KLF12: variants seen among roughly 807,000 people sequenced by gnomAD.
KLF12 encodes the protein Krueppel-like factor 12.
A neutral mutation model predicts 37.8 loss-of-function variants in KLF12; 9 were observed. The observed-to-expected ratio is 0.24, with a 90% CI of 0.14 to 0.42. KLF12 has a LOEUF of 0.42. Ranked by LOEUF, KLF12 falls within the 10% of genes least tolerant of loss-of-function variation. The probability of loss-of-function intolerance (pLI) is 1.00; values close to 1 mark genes in which losing one functional copy is unlikely to be tolerated. For missense variants in KLF12, 411 were observed against 516.0 expected (o/e 0.80, Z 1.97); for synonymous variants, 208 against 202.1 (o/e 1.03, Z -0.25).
chr13:74,266,414 A>G, the KLF12 span, among the ~76,000 whole-genome samples: 1 of 152,194 alleles, frequency 6.6e-6, no homozygotes, highest in African/African-American at 2.4e-5. Context: ...TAAAGTGAGG[A>G]ATCCACAGCA....
At chr13:73,786,271 C>T (rs373132008) in intron 5 of KLF12, among the ~76,000 whole-genome samples, 19 of 152,252 alleles carry the variant, frequency 1.2e-4, no homozygotes, top group East Asian at 5.8e-4. Flanking sequence ...AAATTGTTAA[C>T]GTGGTGGATT....
At chr13:74,172,376 C>T in the KLF12 span, among the ~76,000 whole-genome samples, 1 of 152,086 alleles carries the variant, frequency 6.6e-6, no homozygotes, top group Non-Finnish European at 1.5e-5. Flanking sequence ...ATCTTAAACA[C>T]TAATAAAAAT....
intron 2 of KLF12, among the ~76,000 whole-genome samples, chr13:73,989,195 T>C (rs1006348672): frequency 6.6e-6 from 1 of 152,210 alleles, no homozygotes; most frequent in East Asian, 1.9e-4. Context: ...AAATAAACCC[T>C]CCACCTTTAG....
chr13:73,804,053 CTGATCCAATCCTG>C (rs1882432703), intron 5 of KLF12, among the ~76,000 whole-genome samples: 2 of 152,172 alleles, frequency 1.3e-5, no homozygotes, highest in Non-Finnish European at 2.9e-5. Context: ...CTCATCCTTC[CTGATCCAATCCTG>C]ACCTACCTCT....
At chr13:73,992,168 T>G (rs1176607835) in intron 2 of KLF12, among the ~76,000 whole-genome samples, 1 of 152,132 alleles carries the variant, frequency 6.6e-6, no homozygotes, top group African/African-American at 2.4e-5. Flanking sequence ...TGGGTAAACA[T>G]ATTGAAATGG....
the KLF12 span, among the ~76,000 whole-genome samples, chr13:74,267,496 T>A: frequency 4.6e-5 from 7 of 152,288 alleles, no homozygotes; most frequent in Admixed American, 2.6e-4. Flanking sequence ...AGACAAATAT[T>A]GCATGTTCTC....
chr13:74,004,858 C>T (rs944803457), intron 1 of KLF12, among the ~76,000 whole-genome samples: 1 of 151,968 alleles, frequency 6.6e-6, no homozygotes, highest in African/African-American at 2.4e-5. Context: ...TGTAAAGTCT[C>T]CTACATGAAA....
intron 5 of KLF12, among the ~76,000 whole-genome samples, chr13:73,768,097 G>A (rs1410515342): frequency 2.6e-5 from 4 of 152,268 alleles, no homozygotes; most frequent in Non-Finnish European, 4.4e-5. Context: ...AAAATTGTGT[G>A]ACCAGCCTGC....
At chr13:74,124,814 GT>G (rs1382037015) in intron 1 of KLF12, among the ~76,000 whole-genome samples, 5 of 152,132 alleles carry the variant, frequency 3.3e-5, no homozygotes, top group Non-Finnish European at 1.5e-5. Context: ...GCCAAAATAT[GT>G]TTTTAATTTG....
chr13:74,284,916 T>C, the KLF12 span, among the ~76,000 whole-genome samples: 52 of 152,344 alleles, frequency 3.4e-4, no homozygotes, highest in African/African-American at 1.2e-3. Context: ...ATGTTTTTTT[T>C]CCCACCCATT....
At chr13:74,221,530 G>GA in the KLF12 span, among the ~76,000 whole-genome samples, 4 of 151,544 alleles carry the variant, frequency 2.6e-5, no homozygotes, top group African/African-American at 7.3e-5. Context: ...ATTAACTTTA[G>GA]AGGGCATCAT....
chr13:73,888,106 G>C (rs1186374497), intron 3 of KLF12, among the ~76,000 whole-genome samples: 2 of 151,736 alleles, frequency 1.3e-5, no homozygotes, highest in African/African-American at 2.4e-5. Context: ...AGACTCAAGC[G>C]ATCCTCCCAC....
At chr13:74,068,953 C>T (rs976721380) in intron 1 of KLF12, among the ~76,000 whole-genome samples, 2 of 152,140 alleles carry the variant, frequency 1.3e-5, no homozygotes, top group Non-Finnish European at 2.9e-5. Flanking sequence ...TTGATTCTTA[C>T]TTCTGTCAAG....
chr13:73,921,664 C>T lies in KLF12; in HGVS notation c.123+22317G>A, dbSNP rs761137067. 1.3e-5 allele frequency among the ~76,000 whole-genome samples: 2 copies of T among 151,900 alleles called. 1 individual carries two copies. Among genetic ancestry groups the T allele is most frequent in the Non-Finnish European group, 2.9e-5 (2 of 67,992 alleles). ...TACATGTGTATATATGAGATATATA[C>T]AAGATATATAATACATGTTAAATCT... On this transcript the variant is annotated intron_variant, in intron 3 of 7. Transcript: ENST00000377669.
At chr13:74,135,209 G>T (rs1474677842), upstream of KLF12, among the ~76,000 whole-genome samples, 2 of 151,994 alleles carry the variant, frequency 1.3e-5, no homozygotes, top group Non-Finnish European at 2.9e-5. Context: ...TGCGCGCCTG[G>T]CCTCGCCACC....
rs1220148033 is a variant in KLF12, at chr13:74,067,783, A to G, written c.-32+65956T>C. 6.6e-5 allele frequency among the ~76,000 whole-genome samples: 10 copies of G among 152,344 alleles called. No individual in the cohort carries two copies. In the South Asian group the frequency reaches 2.1e-3, roughly 32 times the overall value. ...ATATATAAGCATGCACACTTCCAGG[A>G]GACAGGTGCTCAAAATGGTCTTATT... On this transcript the variant is annotated intron_variant, in intron 1 of 7. Coordinates refer to ENST00000377669, the MANE Select transcript of KLF12 (RefSeq NM_007249.5).
the KLF12 span, among the ~76,000 whole-genome samples, chr13:74,193,851 G>A: frequency 6.6e-6 from 1 of 152,122 alleles, no homozygotes; most frequent in Middle Eastern, 3.2e-3. Flanking sequence ...TCTGATGATT[G>A]CTAACGTGTC....
At chr13:73,757,060 G>A (rs1001449526) in intron 6 of KLF12, among the ~76,000 whole-genome samples, 3 of 152,142 alleles carry the variant, frequency 2.0e-5, no homozygotes, top group African/African-American at 7.2e-5. Flanking sequence ...TTATTTGGGT[G>A]ATGGATACTC....
chr13:73,914,312 C>T (rs1888709413), intron 3 of KLF12, among the ~76,000 whole-genome samples: 1 of 152,228 alleles, frequency 6.6e-6, no homozygotes, highest in South Asian at 2.1e-4. Flanking sequence ...GACCAACCCA[C>T]TCGTCCCCTG....
Sources: gnomAD v4.1 joint callset for allele counts (sites outside exome capture counted in the v4.1 genomes callset) on GRCh38, gnomAD v4.1.1 for gene constraint, MANE v1.5 for transcripts, NCBI Gene and HGNC (gene_info 2026-07-23, HGNC 2026-07-21) for gene names.